FRY: variants seen among roughly 807,000 people sequenced by gnomAD.
FRY encodes protein furry homolog.
FRY carries 128 observed loss-of-function variants against 348.4 expected under a neutral mutation model. That is an observed-to-expected ratio of 0.37 (90% CI 0.32 to 0.43). The LOEUF (loss-of-function observed/expected upper bound fraction) is 0.43, where lower values mean the gene tolerates loss of function less well. FRY is among the 20% of genes least tolerant of loss of function. The pLI, the probability that FRY is intolerant of heterozygous loss-of-function variation, is 1.00. For synonymous variants in FRY, 1,370 were observed against 1,374.7 expected, an observed-to-expected ratio of 1.00 and a Z score of 0.08; for missense variants, 2,736 against 3,695.2, an observed-to-expected ratio of 0.74 and a Z score of 6.73.
intron 1 of FRY, among the ~76,000 whole-genome samples, chr13:32,051,715 A>G (rs1485864298): frequency 2.0e-5 from 3 of 152,238 alleles, no homozygotes; most frequent in African/African-American, 7.2e-5. Context: ...ATCAACCAAT[A>G]TTCATTGAGG....
chr13:32,042,399 G>T (rs1872786366), intron 1 of FRY, among the ~76,000 whole-genome samples: 1 of 152,106 alleles, frequency 6.6e-6, no homozygotes, highest in African/African-American at 2.4e-5. Context: ...TTTGAAATGG[G>T]TGCCATTTTA....
rs954878100 is a variant in FRY at position 32,281,684 on chromosome 13, G to A, written c.8469+3136G>A. Among the ~76,000 whole-genome samples, 4 of 152,244 alleles carry A rather than the reference G, an allele frequency of 2.6e-5. No homozygotes were observed. In the South Asian group the frequency reaches 6.2e-4, roughly 24 times the overall value. Reference sequence around the variant, plus strand: ...AACTCAAGCAGTGACCAGATGTCCTGAGGAAGATGCTTCCAGGCCTACATG... The same window carrying A: ...AACTCAAGCAGTGACCAGATGTCCTAAGGAAGATGCTTCCAGGCCTACATG... On this transcript the variant is annotated intron_variant, in intron 58 of 60. Coordinates refer to ENST00000542859, the MANE Select transcript of FRY (RefSeq NM_023037.3).
At chr13:32,069,491 A>C (rs939685805) in intron 1 of FRY, among the ~76,000 whole-genome samples, 1 of 152,210 alleles carries the variant, frequency 6.6e-6, no homozygotes, top group Non-Finnish European at 1.5e-5. Context: ...TCTTCAACAT[A>C]GGCAGCTGAT....
At position 32,247,416 on chromosome 13, in the gene FRY, T is replaced by C. The variant is rs758379348; in HGVS notation, c.6922T>C (p.Ser2308Pro). The C allele has an allele frequency of 5.4e-5, 87 of 1,613,342 alleles. No individual in the cohort carries two copies. In the Admixed American group the frequency reaches 1.4e-3, roughly 27 times the overall value. The change falls in exon 48 of 61, where the codon TCA becomes CCA. Residue 2308 changes from serine to proline, a missense_variant. Transcript: ENST00000542859. ...VLPSYQHSDL[S>P]KIEIHRVWTS... ...ACCTTCATACCAGCACAGTGACCTCTCAAAAATAGAAATACATCGAGTGTG... is the reference window on the plus strand; with the variant it reads ...ACCTTCATACCAGCACAGTGACCTCCCAAAAATAGAAATACATCGAGTGTG...
At chr13:32,160,695 A>C (rs205008) in intron 16 of FRY, among the ~76,000 whole-genome samples, 1 of 151,880 alleles carries the variant, frequency 6.6e-6, no homozygotes, top group Non-Finnish European at 1.5e-5. Context: ...CAGGACAAAG[A>C]GCTCTAGGGG....
intron 44 of FRY, among the ~76,000 whole-genome samples, chr13:32,238,285 G>A (rs1299808248): frequency 8.5e-5 from 9 of 105,486 alleles, no homozygotes; most frequent in East Asian, 7.5e-4. Flanking sequence ...CATTGCTCTC[G>A]TACAGAAAAA....
chr13:32,180,877 C>A (rs1173661627), intron 23 of FRY, among the ~76,000 whole-genome samples: 6 of 151,952 alleles, frequency 3.9e-5, no homozygotes, highest in Non-Finnish European at 4.4e-5. Flanking sequence ...TGGTTAGAGT[C>A]AGATTTTATT....
At chr13:32,155,436 T>G (rs1881053912) in intron 14 of FRY, 55 bp from the exon 15 acceptor site, 1 of 1,255,498 alleles carries the variant, frequency 8.0e-7, no homozygotes, top group Middle Eastern at 1.9e-4. Context: ...TATGGATGTA[T>G]TCCACTACAA....
chr13:32,032,389 A>G (rs1235164222), intron 1 of FRY, among the ~76,000 whole-genome samples: 1 of 152,214 alleles, frequency 6.6e-6, no homozygotes. Context: ...CTTTTTGTAT[A>G]TAGAGGCATC....
chr13:32,274,395 A>G (rs1888376648), intron 55 of FRY, among the ~76,000 whole-genome samples: 1 of 152,202 alleles, frequency 6.6e-6, no homozygotes, highest in African/African-American at 2.4e-5. Flanking sequence ...CAGTAAACAT[A>G]TACAATTTTT....
rs145774950 is a variant in FRY at position 32,184,440 on chromosome 13, A to C, written c.3055-160A>C. Among the ~76,000 whole-genome samples, 12 of 152,318 alleles carry C rather than the reference A, an allele frequency of 7.9e-5. No homozygotes were observed. In the East Asian group the frequency reaches 2.3e-3, roughly 29 times the overall value. On this transcript the variant is annotated intron_variant, in intron 24 of 60. Coordinates refer to ENST00000542859, the MANE Select transcript of FRY (RefSeq NM_023037.3). The stretch of plus-strand genomic sequence containing the variant: ...TTCTTACAGCCTGTAGATAGCAAGC[A>C]TTTCCTCTGAGGATTAGGAAGAAAG...
At chr13:32,172,812 G>A (rs1882169186) in intron 18 of FRY, among the ~76,000 whole-genome samples, 1 of 152,066 alleles carries the variant, frequency 6.6e-6, no homozygotes, top group Non-Finnish European at 1.5e-5. Context: ...GCTTGTAAGG[G>A]GAAAACAAAA....
intron 31 of FRY, among the ~76,000 whole-genome samples, chr13:32,205,189 C>G (rs9567426): frequency 8.5e-6 from 1 of 117,754 alleles, no homozygotes; most frequent in Non-Finnish European, 1.6e-5. Context: ...AGCGACAGAG[C>G]GAGACTCTGT....
rs959630052 is a variant in FRY at position 32,078,739 on chromosome 13, A to T, written c.71-95A>T. The stretch of plus-strand genomic sequence containing the variant: ...TAATATTAAGTGTGACTTTCTTGAT[A>T]TGATTCATATCCTGATATTTATGGT... On this transcript the variant is annotated intron_variant, in intron 1 of 60. Coordinates refer to ENST00000542859, the MANE Select transcript of FRY (RefSeq NM_023037.3). 7.4e-6 allele frequency: 7 copies of T among 946,408 alleles called. No individual in the cohort carries two copies. In the African/African-American group the frequency reaches 9.6e-5, roughly 13 times the overall value. 58.6% of individuals were successfully genotyped at this position (946,408 alleles called of 1,614,324 possible). A position where few individuals can be genotyped will look rare whatever the true frequency, so the allele number is the denominator to read the frequency against.
In FRY at chr13:32,135,255, T is replaced by G. The variant is rs958575820; in HGVS notation, c.1077+72T>G. 4.2e-6 allele frequency: 4 copies of G among 944,004 alleles called. No individual in the cohort carries two copies. In the African/African-American group the frequency reaches 6.4e-5, roughly 15 times the overall value. 58.5% of individuals were successfully genotyped at this position (944,004 alleles called of 1,614,324 possible). The stretch of plus-strand genomic sequence containing the variant: ...CTAAAATTCCTAGACAGGAATCTGT[T>G]TGAGGATCCTAAGGACTCCACAGAT... On this transcript the variant is annotated intron_variant, in intron 10 of 60. Coordinates refer to ENST00000542859, the MANE Select transcript of FRY (RefSeq NM_023037.3).
At chr13:32,196,408 A>T in intron 29 of FRY, among the ~76,000 whole-genome samples, 1 of 152,200 alleles carries the variant, frequency 6.6e-6, no homozygotes, top group East Asian at 1.9e-4. Flanking sequence ...AAATTTTTTT[A>T]AATGTTCTTG....
intron 55 of FRY, 66 bp downstream of exon 55, chr13:32,267,425 A>G (rs1593824920): frequency 1.5e-6 from 2 of 1,369,516 alleles, no homozygotes; most frequent in East Asian, 4.6e-5. Flanking sequence ...CTTTGAATTT[A>G]AGGAGAGGTT....
At chr13:32,068,202 G>T (rs1874379741) in intron 1 of FRY, among the ~76,000 whole-genome samples, 1 of 152,052 alleles carries the variant, frequency 6.6e-6, no homozygotes. Context: ...TTTTGAATTT[G>T]TAGAGTTCAC....
rs555672373 is a variant in FRY at position 32,228,493 on chromosome 13, G to A, written c.5244G>A (p.Pro1748=). The A allele has an allele frequency of 2.7e-5, 44 of 1,612,930 alleles. No individual in the cohort carries two copies. The highest frequency in any genetic ancestry group is 1.7e-4 in the African/African-American group (13 of 74,980). Residue 1748 remains proline, a synonymous_variant, in exon 40 of 61, where the codon CCG becomes CCA. Transcript: ENST00000542859. The part of the protein sequence containing the change: ...FDFLREDQSS[P]VPDSGLSSSS... ...TCCTGAGAGAGGACCAGTCATCCCC[G>A]GTGCCTGACTCAGGGCTTAGTTCAA...
Sources: gnomAD v4.1 joint callset for allele counts (sites outside exome capture counted in the v4.1 genomes callset) on GRCh38, gnomAD v4.1.1 for gene constraint, MANE v1.5 for transcripts, NCBI Gene and HGNC (gene_info 2026-07-23, HGNC 2026-07-21) for gene names.